Variants in TM9SF4 observed in about 807,000 individuals in gnomAD.
The protein encoded by TM9SF4 is dinucleotide oxidase disulfide thiol exchanger 3 superfamily member 4.
Under a neutral mutation model 90.4 loss-of-function variants are expected in TM9SF4, and 26 were observed. That is an observed-to-expected ratio of 0.29 (90% confidence interval 0.21 to 0.40). The LOEUF (loss-of-function observed/expected upper bound fraction) is 0.40. TM9SF4 is among the 10% of genes least tolerant of loss of function. The pLI, the probability that TM9SF4 is intolerant of heterozygous loss-of-function variation, is 1.00. For synonymous variants in TM9SF4, 293 were observed against 315.4 expected (o/e 0.93, Z 0.75); for missense variants, 549 against 834.8 (o/e 0.66, Z 4.22).
intron 2 of TM9SF4, among the ~76,000 whole-genome samples, chr20:32,133,859 T>C (rs929661573): frequency 9.2e-5 from 14 of 152,280 alleles, no homozygotes; most frequent in African/African-American, 3.4e-4. Context: ...TAAGCTGGAG[T>C]GCAGTGGCGT....
intron 16 of TM9SF4, 102 bp downstream of exon 16, chr20:32,160,213 G>A: frequency 6.5e-7 from 1 of 1,533,944 alleles, no homozygotes; most frequent in Non-Finnish European, 8.8e-7. Flanking sequence ...CTCTTCATGT[G>A]GCCCCTGCTT....
intron 12 of TM9SF4, among the ~76,000 whole-genome samples, chr20:32,154,239 C>T (rs1216201842): frequency 6.6e-6 from 1 of 151,776 alleles, no homozygotes; most frequent in East Asian, 1.9e-4. Context: ...ACCTCTGCCT[C>T]CCGGGCTCAA....
At position 32,165,631 on chromosome 20, in the gene TM9SF4, T is replaced by C. The variant is rs1341041914; in HGVS notation, c.*187T>C. On this transcript the variant is annotated 3_prime_UTR_variant, in exon 18 of 18. Transcript: ENST00000398022. ...GTAGATAATCTTGCGTTTTTCGTCA[T>C]CTTATTCCAGTTCTGTGGGGGATGA... The C allele has an allele frequency of 3.0e-6, 2 of 657,490 alleles. No individual in the cohort carries two copies. Among genetic ancestry groups the C allele is most frequent in the Non-Finnish European group, 5.1e-6 (2 of 395,410 alleles). 40.7% of individuals were successfully genotyped at this position (657,490 alleles called of 1,614,324 possible).
Position 32,141,904 on chromosome 20 carries a change from T to C in TM9SF4, c.528+9T>C. 1 of 1,613,724 alleles carries C rather than the reference T, an allele frequency of 6.2e-7. No individual in the cohort carries two copies. Among genetic ancestry groups the C allele is most frequent in the African/African-American group, 1.3e-5 (1 of 74,926 alleles). On this transcript the variant is annotated intron_variant, in intron 5 of 17. Transcript: ENST00000398022. The stretch of plus-strand genomic sequence containing the variant: ...TCACAGATGTCAACAAGGTAGAGTG[T>C]CTTTGGCGTGCTCACAGGACCGGGA...
At chr20:32,149,140 GTTA>G (rs1336418827) in intron 9 of TM9SF4, among the ~76,000 whole-genome samples, 1 of 152,128 alleles carries the variant, frequency 6.6e-6, no homozygotes, top group African/African-American at 2.4e-5. Context: ...TCAAAACAGT[GTTA>G]TTAAGTGGGA....
chr20:32,111,945 A>G (rs1224692651), intron 1 of TM9SF4, among the ~76,000 whole-genome samples: 1 of 152,162 alleles, frequency 6.6e-6, no homozygotes, highest in Non-Finnish European at 1.5e-5. Flanking sequence ...AATGGGAAGG[A>G]CTGCGGTCTA....
chr20:32,149,978 C>G (rs2046818543), intron 10 of TM9SF4, among the ~76,000 whole-genome samples: 1 of 152,200 alleles, frequency 6.6e-6, no homozygotes, highest in East Asian at 1.9e-4. Context: ...CAGCCATTTA[C>G]AGAGCCCACC....
chr20:32,160,136 G>C, intron 16 of TM9SF4, 25 bp downstream of exon 16: 1 of 1,613,896 alleles, frequency 6.2e-7, no homozygotes, highest in Non-Finnish European at 8.5e-7. Flanking sequence ...GCCAGGAGGC[G>C]GGGGAGGGAG....
chr20:32,129,640 C>A (rs1337183297), intron 1 of TM9SF4, among the ~76,000 whole-genome samples: 2 of 149,960 alleles, frequency 1.3e-5, no homozygotes, highest in African/African-American at 4.9e-5. Context: ...CCTTTGTCGC[C>A]CAGGATGGAG....
chr20:32,149,450 A>G (rs2046809804), intron 9 of TM9SF4, among the ~76,000 whole-genome samples, 184 bp from the exon 10 acceptor site: 1 of 152,226 alleles, frequency 6.6e-6, no homozygotes, highest in Admixed American at 6.5e-5. Flanking sequence ...ATCTACAGGC[A>G]TCAGGTTTGT....
chr20:32,150,578 C>T (rs780018214), intron 10 of TM9SF4, 44 bp from the exon 11 acceptor site: 5 of 1,610,150 alleles, frequency 3.1e-6, no homozygotes, highest in South Asian at 2.2e-5. Flanking sequence ...TGGTGATCAG[C>T]CACCCTGCCT....
rs146508161 is a variant in TM9SF4 at position 32,115,190 on chromosome 20, G to C, written c.15+5435G>C. On this transcript the variant is annotated intron_variant, in intron 1 of 17. Coordinates refer to ENST00000398022, the MANE Select transcript of TM9SF4 (RefSeq NM_014742.4). ...CTTGGTTAAATGTGTTTCTCTGAGGGGTCCCTTTAAAGGAATGCCCTTAAT... is the reference window on the plus strand; with the variant it reads ...CTTGGTTAAATGTGTTTCTCTGAGGCGTCCCTTTAAAGGAATGCCCTTAAT... Among the ~76,000 whole-genome samples, 81 of 152,200 alleles carry C rather than the reference G, an allele frequency of 5.3e-4. 1 individual carries two copies. The highest frequency in any genetic ancestry group is 6.8e-3 in the Middle Eastern group (2 of 294).
At chr20:32,124,293 G>T (rs564636801) in intron 1 of TM9SF4, among the ~76,000 whole-genome samples, 2 of 152,292 alleles carry the variant, frequency 1.3e-5, no homozygotes, top group East Asian at 3.9e-4. Context: ...TGAATTGGGG[G>T]AGAGACAAGT....
At chr20:32,148,949 C>T (rs1039021742) in intron 9 of TM9SF4, among the ~76,000 whole-genome samples, 1 of 152,142 alleles carries the variant, frequency 6.6e-6, no homozygotes, top group African/African-American at 2.4e-5. Context: ...GGATTACAGG[C>T]GTGAGCCACC....
At chr20:32,136,263 A>G in intron 3 of TM9SF4, 90 bp downstream of exon 3, 1 of 1,238,428 alleles carries the variant, frequency 8.1e-7, no homozygotes, top group Non-Finnish European at 1.2e-6. Context: ...ACTTTGCTAT[A>G]TTCTAGACAC....
Position 32,145,193 on chromosome 20 carries a change from A to T in TM9SF4, c.755A>T (p.Tyr252Phe). 1.2e-6 allele frequency: 2 copies of T among 1,613,986 alleles called. No homozygotes were observed. The highest frequency in any genetic ancestry group is 1.7e-6 in the Non-Finnish European group (2 of 1,179,938). ...PTKENQLYFT[Y>F]SVHWEESDIK... Reference sequence around the variant, plus strand: ...AAGGAGAATCAGCTGTACTTCACCTACTCTGTCCACTGGGAGGTGAGAAGG... The same window carrying T: ...AAGGAGAATCAGCTGTACTTCACCTTCTCTGTCCACTGGGAGGTGAGAAGG... Residue 252 changes from tyrosine (Y) to phenylalanine (F), a missense_variant, in exon 7 of 18, where the codon TAC becomes TTC. By Grantham distance (22) the Tyr-to-Phe change is conservative. This residue lies in a region of TM9SF4 where 495 missense variants were observed against 711.7 expected (regional missense o/e 0.70). Coordinates refer to ENST00000398022, the MANE Select transcript of TM9SF4 (RefSeq NM_014742.4).
At chr20:32,147,357 C>G (rs557286684) in intron 9 of TM9SF4, among the ~76,000 whole-genome samples, 2 of 152,138 alleles carry the variant, frequency 1.3e-5, no homozygotes, top group South Asian at 4.2e-4. Context: ...ATAGGGATGG[C>G]CTTTCTAATT....
chr20:32,140,019 C>T (rs1223372321), intron 3 of TM9SF4, among the ~76,000 whole-genome samples: 1 of 152,210 alleles, frequency 6.6e-6, no homozygotes. Flanking sequence ...AGGCCATGCA[C>T]TCTATGAGTA....
intron 9 of TM9SF4, among the ~76,000 whole-genome samples, chr20:32,147,344 G>A (rs1482731210): frequency 6.6e-6 from 1 of 152,118 alleles, no homozygotes; most frequent in African/African-American, 2.4e-5. Flanking sequence ...TTCACCCAAA[G>A]TGATAGGGAT....
Sources: gnomAD v4.1 joint callset for allele counts (sites outside exome capture counted in the v4.1 genomes callset) on GRCh38, gnomAD v4.1.1 for gene constraint, gnomAD v4.1.1 regional missense constraint, MANE v1.5 for transcripts, NCBI Gene and HGNC (gene_info 2026-07-23, HGNC 2026-07-21) for gene names.